TMEM230: variants seen among roughly 807,000 people sequenced by gnomAD.
TMEM230 encodes transmembrane protein 230.
In TMEM230, 10 loss-of-function variants were observed where a neutral mutation model predicts 15.8. That is an observed-to-expected ratio of 0.63 (90% CI 0.39 to 1.07). The LOEUF (loss-of-function observed/expected upper bound fraction) is 1.07, where lower values mean the gene tolerates loss of function less well. Ranked by LOEUF, TMEM230 falls within the 50% of genes least tolerant of loss-of-function variation. The pLI is 0.01. For synonymous variants in TMEM230, 67 were observed against 76.9 expected, an observed-to-expected ratio of 0.87 and a Z score of 0.68; for missense variants, 165 against 193.3, an observed-to-expected ratio of 0.85 and a Z score of 0.87.
chr20:5,092,731 A>AG lies in TMEM230; in HGVS notation c.222+13456_222+13457insC, dbSNP rs1555771076. On this transcript the variant is annotated intron_variant, in intron 3 of 3. Coordinates refer to the TMEM230 transcript ENST00000612323. ...ACTCCGTCTCAAAAAAAAAAAAAAA[A>AG]AGAGAGAGAGAGAGAATGAAAGGCA... Among the ~76,000 whole-genome samples, 77 of 151,672 alleles carry AG rather than the reference A, an allele frequency of 5.1e-4. No individual in the cohort carries two copies. In the South Asian group the frequency reaches 8.5e-3, roughly 17 times the overall value.
rs115279824 is a variant in TMEM230, at chr20:5,082,453, T to G, written c.223-13104A>C. 5.7e-3 allele frequency among the ~76,000 whole-genome samples: 849 copies of G among 149,850 alleles called. 4 individuals are homozygous for G. Among genetic ancestry groups the G allele is most frequent in the African/African-American group, 0.019 (761 of 40,686 alleles). The stretch of plus-strand genomic sequence containing the variant: ...TAAAAAATAACTACATAGTTTTTGT[T>G]TGTTTTGAGACAGAGTCTTGCTCTG... On this transcript the variant is annotated intron_variant, in intron 3 of 3. Transcript: ENST00000612323.
chr20:5,112,696 C>T, intron 1 of TMEM230: 1 of 1,415,502 alleles, frequency 7.1e-7, no homozygotes, highest in Non-Finnish European at 9.2e-7. Flanking sequence ...AAACGTTTGG[C>T]ACACAGTGCC....
intron 3 of TMEM230, among the ~76,000 whole-genome samples, chr20:5,080,445 G>T (rs2089146826): frequency 6.6e-6 from 1 of 152,172 alleles, no homozygotes. Flanking sequence ...CCCCATGACT[G>T]CTTCTCTCCA....
chr20:5,084,106 G>A (rs8117843), intron 3 of TMEM230, among the ~76,000 whole-genome samples: 1 of 152,006 alleles, frequency 6.6e-6, no homozygotes, highest in African/African-American at 2.4e-5. Context: ...GTGAGAATGT[G>A]TGGTATTTGG....
At chr20:5,109,565 G>C in intron 2 of TMEM230, 120 bp from the exon 2 acceptor site, 2 of 739,354 alleles carry the variant, frequency 2.7e-6, no homozygotes, top group Middle Eastern at 2.3e-4. Context: ...TGTCAGACTA[G>C]CAATGGGCAA....
chr20:5,109,491 T>C (rs756368252), intron 2 of TMEM230, 46 bp from the exon 2 acceptor site: 1 of 1,432,698 alleles, frequency 7.0e-7, no homozygotes, highest in South Asian at 1.2e-5. Flanking sequence ...TAGATGACAA[T>C]GGTGCATTAT....
intron 3 of TMEM230, among the ~76,000 whole-genome samples, chr20:5,093,555 G>A (rs2089573519): frequency 7.6e-6 from 1 of 131,826 alleles, no homozygotes; most frequent in African/African-American, 2.9e-5. Flanking sequence ...TATTTATTTA[G>A]AGATGGAGTC....
Position 5,100,767 on chromosome 20 carries a change from T to G in TMEM230, c.*24A>C. 1 of 1,612,202 alleles carries G rather than the reference T, an allele frequency of 6.2e-7. No homozygotes were observed. Among genetic ancestry groups the G allele is most frequent in the Non-Finnish European group, 8.5e-7 (1 of 1,179,742 alleles). ...AAAGCTGGGACAGTTCCACTGTGAC[T>G]CCTCCTCAGCTATGGGGTGGGTGCT... On this transcript the variant is annotated 3_prime_UTR_variant, in exon 5 of 5. Transcript: ENST00000342308.
intron 3 of TMEM230, among the ~76,000 whole-genome samples, chr20:5,108,170 A>G (rs1335980862): frequency 6.6e-6 from 1 of 152,134 alleles, no homozygotes; most frequent in Non-Finnish European, 1.5e-5. Context: ...CTATAATCCC[A>G]GCACTTTGCG....
At chr20:5,063,277 ATTTTTTT>A (rs1165126313), downstream of TMEM230, among the ~76,000 whole-genome samples, 288 of 86,396 alleles carry the variant, frequency 3.3e-3, 1 homozygote, top group Non-Finnish European at 5.0e-3. Flanking sequence ...GCTGCTATGA[ATTTTTTT>A]TTTTTTTTTT....
downstream of TMEM230, among the ~76,000 whole-genome samples, chr20:5,065,341 G>C (rs2088641988): frequency 6.6e-6 from 1 of 152,208 alleles, no homozygotes; most frequent in Non-Finnish European, 1.5e-5. Flanking sequence ...CAGAGGCTCA[G>C]ATGTTGGCTG....
At chr20:5,065,147 G>C (rs1266762560), downstream of TMEM230, among the ~76,000 whole-genome samples, 3 of 152,054 alleles carry the variant, frequency 2.0e-5, no homozygotes, top group Non-Finnish European at 4.4e-5. Flanking sequence ...AGCCAGGTGT[G>C]GTGGCTCTCA....
downstream of TMEM230, among the ~76,000 whole-genome samples, chr20:5,066,639 C>T (rs2088657357): frequency 6.6e-6 from 1 of 150,840 alleles, no homozygotes; most frequent in Non-Finnish European, 1.5e-5. Context: ...TGCACTCCAG[C>T]CTGGGCGATA....
intron 3 of TMEM230, among the ~76,000 whole-genome samples, chr20:5,075,657 A>G (rs1258876669): frequency 6.6e-6 from 1 of 152,038 alleles, no homozygotes; most frequent in Non-Finnish European, 1.5e-5. Context: ...CCCGTGAGGC[A>G]GAAGTTGCAG....
intron 3 of TMEM230, among the ~76,000 whole-genome samples, chr20:5,069,856 T>G (rs1270241886): frequency 6.6e-6 from 1 of 152,154 alleles, no homozygotes; most frequent in Non-Finnish European, 1.5e-5. Context: ...ATTACATGCA[T>G]GCACCACCAC....
At chr20:5,082,084 G>T (rs896373885) in intron 3 of TMEM230, among the ~76,000 whole-genome samples, 1 of 150,810 alleles carries the variant, frequency 6.6e-6, no homozygotes, top group Non-Finnish European at 1.5e-5. Context: ...ATGTGGTTTC[G>T]CCATGTTGGC....
intron 1 of TMEM230, among the ~76,000 whole-genome samples, chr20:5,112,156 G>A (rs549119445): frequency 3.8e-4 from 58 of 152,318 alleles, no homozygotes; most frequent in African/African-American, 1.3e-3. Flanking sequence ...ACTGTTTTAC[G>A]TGGCTTGCAG....
In TMEM230 at chr20:5,100,640, A is replaced by C; in HGVS notation, c.*151T>G. 1 of 1,444,772 alleles carries C rather than the reference A, an allele frequency of 6.9e-7. No homozygotes were observed. The highest frequency in any genetic ancestry group is 2.4e-5 in the East Asian group (1 of 41,270). The allele number at this position is 1,444,772 out of a possible 1,614,324, so 89.5% of individuals were successfully genotyped here. A position where few individuals can be genotyped will look rare whatever the true frequency, so the allele number is the denominator to read the frequency against. ...AATTAGCTAACTGTAGGTTCACTTA[A>C]CATCTTTGGGAAGGACCCAAAAAAT... On this transcript the variant is annotated 3_prime_UTR_variant, in exon 5 of 5. Coordinates refer to ENST00000342308, the MANE Select transcript of TMEM230 (RefSeq NM_001009923.2).
chr20:5,076,107 T>TAA (rs113147650), intron 3 of TMEM230, among the ~76,000 whole-genome samples: 4 of 140,322 alleles, frequency 2.9e-5, no homozygotes, highest in Non-Finnish European at 4.7e-5. Flanking sequence ...AGACCCTGTC[T>TAA]AAAAAAAAAA....
Sources: allele counts gnomAD v4.1 joint callset (sites outside exome capture counted in the v4.1 genomes callset), GRCh38; gene constraint gnomAD v4.1.1; transcripts MANE v1.5; gene names NCBI Gene and HGNC (gene_info 2026-07-23, HGNC 2026-07-21).